The following CCDC178 variants were observed in gnomAD, a reference collection of about 807,000 sequenced individuals.
The protein encoded by CCDC178 is coiled-coil domain-containing protein 178.
In CCDC178, 126 loss-of-function variants were observed where a neutral mutation model predicts 117.4. The ratio of observed to expected loss-of-function variants is 1.07; its 90% CI spans 0.93 to 1.24. The LOEUF is 1.24. Among genes scored for constraint, CCDC178 ranks in the 50% most tolerant of loss-of-function variants. The pLI, the probability that CCDC178 is intolerant of heterozygous loss-of-function variation, is 0.00. For missense variants in CCDC178, 1,030 were observed against 986.9 expected (o/e 1.04, Z -0.59); for synonymous variants, 283 against 313.4 (o/e 0.90, Z 1.02).
intron 21 of CCDC178, among the ~76,000 whole-genome samples, chr18:32,975,131 C>CT (rs1568191900): frequency 6.6e-6 from 1 of 152,168 alleles, no homozygotes; most frequent in Non-Finnish European, 1.5e-5. Context: ...ACCATCACTG[C>CT]TTTTTTTCCT....
chr18:33,394,855 T>C (rs2063609624), intron 4 of CCDC178, among the ~76,000 whole-genome samples: 1 of 148,196 alleles, frequency 6.7e-6, no homozygotes, highest in African/African-American at 2.5e-5. Context: ...TAATAGTGTA[T>C]ATAATTCATA....
intron 22 of CCDC178, among the ~76,000 whole-genome samples, chr18:32,951,000 T>C (rs12958538): frequency 0.94 from 142,343 of 152,194 alleles, 67,014 homozygotes; most frequent in Non-Finnish European, 0.99. Flanking sequence ...CATAATCCAC[T>C]ATACATTTCT....
chr18:33,105,410 C>A (rs1394341008), intron 20 of CCDC178, among the ~76,000 whole-genome samples: 1 of 151,602 alleles, frequency 6.6e-6, no homozygotes, highest in African/African-American at 2.4e-5. Context: ...CATTACTGAA[C>A]AATTTAGTAA....
chr18:33,180,941 A>G (rs944987286), intron 20 of CCDC178, among the ~76,000 whole-genome samples: 1 of 152,032 alleles, frequency 6.6e-6, no homozygotes, highest in South Asian at 2.1e-4. Context: ...ACTCCATTCA[A>G]TGTTATTTTG....
At chr18:33,266,170 C>A (rs562168488) in intron 14 of CCDC178, among the ~76,000 whole-genome samples, 1 of 152,032 alleles carries the variant, frequency 6.6e-6, no homozygotes, top group East Asian at 1.9e-4. Context: ...ATGGCGAATT[C>A]CAGATATAGA....
intron 2 of CCDC178, among the ~76,000 whole-genome samples, chr18:33,434,305 T>C (rs967826047): frequency 6.6e-6 from 1 of 152,140 alleles, no homozygotes; most frequent in Admixed American, 6.5e-5. Flanking sequence ...ATAAGCAGCA[T>C]TGGGAATTTA....
chr18:33,371,948 A>C (rs1568182924), intron 5 of CCDC178, among the ~76,000 whole-genome samples: 1 of 152,192 alleles, frequency 6.6e-6, no homozygotes, highest in East Asian at 1.9e-4. Flanking sequence ...CACATTTAAC[A>C]AACAAGCAGT....
chr18:33,179,418 G>A lies in CCDC178; in HGVS notation c.2238+32478C>T, dbSNP rs549012131. Among the ~76,000 whole-genome samples the A allele has an allele frequency of 2.0e-5, 3 of 151,384 alleles. No homozygotes were observed. The South Asian group carries it at 6.2e-4, about 32-fold the overall frequency. ...TCTTAATTCAAATAATATTTTTAAA[G>A]CCATGTTTTGTCTTCTTGTTGCATT... On this transcript the variant is annotated intron_variant, in intron 20 of 22. Transcript: ENST00000383096.
chr18:33,284,455 T>C (rs1184628619), intron 12 of CCDC178, among the ~76,000 whole-genome samples: 1 of 152,196 alleles, frequency 6.6e-6, no homozygotes, highest in African/African-American at 2.4e-5. Context: ...TGAAATAAGT[T>C]TTTATGTCAT....
intron 20 of CCDC178, among the ~76,000 whole-genome samples, chr18:33,207,576 C>T (rs2059059399): frequency 6.6e-6 from 1 of 150,518 alleles, no homozygotes; most frequent in Admixed American, 6.6e-5. Flanking sequence ...AAAGTATGTT[C>T]ATTGGGTATT....
intron 14 of CCDC178, among the ~76,000 whole-genome samples, chr18:33,260,229 G>C (rs926286649): frequency 9.2e-5 from 14 of 152,068 alleles, no homozygotes; most frequent in African/African-American, 3.4e-4. Context: ...ATGTTTCTAA[G>C]ATTCATTCAT....
intron 2 of CCDC178, among the ~76,000 whole-genome samples, chr18:33,428,243 T>C: frequency 6.6e-6 from 1 of 152,200 alleles, no homozygotes; most frequent in South Asian, 2.1e-4. Context: ...TCCAGAAGTT[T>C]TTATTTATTT....
At chr18:33,064,911 A>G (rs924072397) in intron 21 of CCDC178, among the ~76,000 whole-genome samples, 1 of 152,210 alleles carries the variant, frequency 6.6e-6, no homozygotes, top group Admixed American at 6.5e-5. Context: ...CTATTCATCC[A>G]TAGTAAAATA....
intron 15 of CCDC178, among the ~76,000 whole-genome samples, chr18:33,238,471 C>T (rs1213436797): frequency 6.6e-6 from 1 of 151,724 alleles, no homozygotes; most frequent in Non-Finnish European, 1.5e-5. Context: ...AAGAACCAAA[C>T]AGAAAACTAG....
intron 11 of CCDC178, among the ~76,000 whole-genome samples, chr18:33,303,847 A>G (rs1053721650): frequency 1.3e-5 from 2 of 152,204 alleles, no homozygotes; most frequent in African/African-American, 2.4e-5. Flanking sequence ...AGCAGTAGTC[A>G]GGGCACACTG....
intron 22 of CCDC178, among the ~76,000 whole-genome samples, chr18:32,972,728 GAA>G (rs2054954565): frequency 6.6e-6 from 1 of 152,080 alleles, no homozygotes; most frequent in South Asian, 2.1e-4. Context: ...GAAGCAGAGA[GAA>G]GATGAAGCTG....
At chr18:33,275,776 C>A (rs889913281) in intron 12 of CCDC178, among the ~76,000 whole-genome samples, 4 of 151,254 alleles carry the variant, frequency 2.6e-5, no homozygotes, top group African/African-American at 9.7e-5. Flanking sequence ...TTTTTTCTGC[C>A]AGCTTTGCAA....
chr18:33,125,559 A>C (rs1026931352), intron 20 of CCDC178, among the ~76,000 whole-genome samples: 2 of 152,198 alleles, frequency 1.3e-5, no homozygotes, highest in African/African-American at 4.8e-5. Context: ...GAAAATGCAG[A>C]GTTTATTCAT....
rs572371343 is a variant in CCDC178 at position 33,274,288 on chromosome 18, C to A, written c.1177-6991G>T. ...TGCTAAGAATACGTTAGAATTGAAA[C>A]CCTTATAAATCACTATGGTAATGTA... On this transcript the variant is annotated intron_variant, in intron 12 of 22. Transcript: ENST00000383096. 2.1e-4 allele frequency among the ~76,000 whole-genome samples: 32 copies of A among 151,818 alleles called. 2 individuals are homozygous for A. The South Asian group carries it at 6.6e-3, about 32-fold the overall frequency.
Sources: gnomAD v4.1 joint callset for allele counts (sites outside exome capture counted in the v4.1 genomes callset) on GRCh38, gnomAD v4.1.1 for gene constraint, MANE v1.5 for transcripts, NCBI Gene and HGNC (gene_info 2026-07-23, HGNC 2026-07-21) for gene names.